SDHAF3: variants seen among roughly 807,000 people sequenced by gnomAD.
SDHAF3 encodes the protein succinate dehydrogenase complex assembly factor 3.
In SDHAF3, 18 loss-of-function variants were observed where a neutral mutation model predicts 11.5. The observed-to-expected ratio is 1.56, with a 90% CI of 1.08 to 2.32. The LOEUF (loss-of-function observed/expected upper bound fraction) is 2.32. SDHAF3 is among the 30% of genes most tolerant of loss of function. The pLI, the probability that SDHAF3 is intolerant of heterozygous loss-of-function variation, is 0.00. For synonymous variants in SDHAF3, 72 were observed against 59.3 expected, an observed-to-expected ratio of 1.21 and a Z score of -0.99; for missense variants, 200 against 154.4, an observed-to-expected ratio of 1.30 and a Z score of -1.57.
intron 1 of SDHAF3, among the ~76,000 whole-genome samples, chr7:97,152,631 A>G (rs1789242737): frequency 2.2e-5 from 2 of 92,232 alleles, no homozygotes; most frequent in South Asian, 9.5e-4. Context: ...CTTCTGAGCC[A>G]TTATTTTGTT....
In SDHAF3 at chr7:97,175,510, G is replaced by A. The variant is rs1789666432; in HGVS notation, c.175-5502G>A. ...TACAAGTGAGAATGTGTGATGTTTGGTTTACTAAAAACTAAGCAGTCCTCT... is the reference window on the plus strand; with the variant it reads ...TACAAGTGAGAATGTGTGATGTTTGATTTACTAAAAACTAAGCAGTCCTCT... On this transcript the variant is annotated intron_variant, in intron 1 of 1. Transcript: ENST00000432641. Among the ~76,000 whole-genome samples the A allele has an allele frequency of 2.0e-5, 3 of 152,132 alleles. No homozygotes were observed. In the South Asian group the frequency reaches 6.2e-4, roughly 32 times the overall value.
At chr7:97,171,097 A>G (rs10260437) in intron 1 of SDHAF3, among the ~76,000 whole-genome samples, 403 of 152,258 alleles carry the variant, frequency 2.6e-3, no homozygotes, top group African/African-American at 9.3e-3. Flanking sequence ...ATTGTAATTC[A>G]GGTAACTTTC....
At chr7:97,146,858 C>T (rs1204128705) in intron 1 of SDHAF3, among the ~76,000 whole-genome samples, 2 of 150,060 alleles carry the variant, frequency 1.3e-5, no homozygotes, top group African/African-American at 4.9e-5. Context: ...GCAATCTGGG[C>T]TCACTGCAAA....
chr7:97,175,986 T>C (rs1242417759), intron 1 of SDHAF3, among the ~76,000 whole-genome samples: 4 of 152,210 alleles, frequency 2.6e-5, no homozygotes, highest in Non-Finnish European at 5.9e-5. Context: ...CCTTGAATTA[T>C]GGCCATATCG....
At chr7:97,180,964 A>G in intron 1 of SDHAF3, 48 bp from the exon 2 acceptor site, 1 of 1,498,366 alleles carries the variant, frequency 6.7e-7, no homozygotes, top group Non-Finnish European at 9.0e-7. Flanking sequence ...CTAATGTTAA[A>G]TATTATTTAA....
intron 1 of SDHAF3, among the ~76,000 whole-genome samples, chr7:97,162,434 T>C (rs1257998863): frequency 6.6e-6 from 1 of 152,186 alleles, no homozygotes; most frequent in African/African-American, 2.4e-5. Flanking sequence ...ATTTTGAATT[T>C]GTTTCCTCTT....
At chr7:97,153,451 T>G (rs1157828926) in intron 1 of SDHAF3, among the ~76,000 whole-genome samples, 2 of 152,242 alleles carry the variant, frequency 1.3e-5, no homozygotes, top group African/African-American at 4.8e-5. Flanking sequence ...ATTTACCTAC[T>G]GAAGGATATC....
chr7:97,180,710 C>T (rs1789756852), intron 1 of SDHAF3, among the ~76,000 whole-genome samples: 1 of 152,158 alleles, frequency 6.6e-6, no homozygotes, highest in African/African-American at 2.4e-5. Flanking sequence ...TACAATTTTG[C>T]ATATGGTTTG....
intron 1 of SDHAF3, among the ~76,000 whole-genome samples, chr7:97,152,674 G>A (rs1179455970): frequency 6.6e-6 from 1 of 151,926 alleles, no homozygotes; most frequent in African/African-American, 2.4e-5. Context: ...TTTTGAGATG[G>A]AGTCTCGCTC....
chr7:97,160,886 A>G (rs1475356880), intron 1 of SDHAF3, among the ~76,000 whole-genome samples: 1 of 152,166 alleles, frequency 6.6e-6, no homozygotes, highest in African/African-American at 2.4e-5. Context: ...TTGGAATTTA[A>G]TATAAACAAA....
chr7:97,124,700 G>A (rs1264667796), intron 1 of SDHAF3, among the ~76,000 whole-genome samples: 1 of 152,176 alleles, frequency 6.6e-6, no homozygotes, highest in Non-Finnish European at 1.5e-5. Flanking sequence ...TCTCCTTGAA[G>A]AGGTCCTTTG....
intron 1 of SDHAF3, among the ~76,000 whole-genome samples, chr7:97,159,444 C>T (rs1481469995): frequency 6.6e-6 from 1 of 152,160 alleles, no homozygotes; most frequent in Non-Finnish European, 1.5e-5. Flanking sequence ...ATATCCCTTG[C>T]CCCAGGCAGC....
chr7:97,144,967 G>C (rs1027677628), intron 1 of SDHAF3, among the ~76,000 whole-genome samples: 1 of 151,478 alleles, frequency 6.6e-6, no homozygotes, highest in Non-Finnish European at 1.5e-5. Flanking sequence ...TGTGTGATCT[G>C]TGATTTCTCT....
chr7:97,125,526 C>T (rs1278406620), intron 1 of SDHAF3, among the ~76,000 whole-genome samples: 1 of 152,072 alleles, frequency 6.6e-6, no homozygotes, highest in African/African-American at 2.4e-5. Flanking sequence ...AGTCTTTGTT[C>T]ATTCCTTTTC....
intron 1 of SDHAF3, chr7:97,136,553 G>A (rs1310392784): frequency 5.6e-6 from 3 of 531,590 alleles, no homozygotes; most frequent in African/African-American, 1.9e-5. Context: ...AAATTAAGGG[G>A]GTGGCAAGAG....
chr7:97,164,382 CTTT>C (rs200122758), intron 1 of SDHAF3, among the ~76,000 whole-genome samples: 1 of 128,488 alleles, frequency 7.8e-6, no homozygotes, highest in Non-Finnish European at 1.7e-5. Context: ...GTTCATAGTT[CTTT>C]TTTTTTTTTT....
At chr7:97,179,983 CA>C (rs1210226505) in intron 1 of SDHAF3, among the ~76,000 whole-genome samples, 3 of 152,236 alleles carry the variant, frequency 2.0e-5, no homozygotes, top group African/African-American at 7.2e-5. Context: ...CCAGTTCATT[CA>C]CTTTAACTTC....
chr7:97,161,450 A>G (rs905939844), intron 1 of SDHAF3, among the ~76,000 whole-genome samples: 3 of 152,168 alleles, frequency 2.0e-5, no homozygotes, highest in African/African-American at 7.2e-5. Flanking sequence ...TCATTTTATT[A>G]TACTTTAAGT....
chr7:97,178,576 A>T (rs1197059573), intron 1 of SDHAF3, among the ~76,000 whole-genome samples: 2 of 152,116 alleles, frequency 1.3e-5, no homozygotes, highest in African/African-American at 4.8e-5. Flanking sequence ...GTGAAGTGGC[A>T]TCTCATTGTG....
Sources: gnomAD v4.1 joint callset for allele counts (sites outside exome capture counted in the v4.1 genomes callset) on GRCh38, gnomAD v4.1.1 for gene constraint, MANE v1.5 for transcripts, NCBI Gene and HGNC (gene_info 2026-07-23, HGNC 2026-07-21) for gene names.